VPS35: variants seen among roughly 807,000 people sequenced by gnomAD.
VPS35 encodes the protein vacuolar protein sorting-associated protein 35.
In VPS35, 21 loss-of-function variants were observed where a neutral mutation model predicts 98.1. The observed-to-expected ratio is 0.21, with a 90% CI of 0.15 to 0.31. The LOEUF (loss-of-function observed/expected upper bound fraction) is 0.31, where lower values mean the gene tolerates loss of function less well. VPS35 is among the 10% of genes least tolerant of loss of function. The probability of loss-of-function intolerance (pLI) is 1.00; values close to 1 mark genes in which losing one functional copy is unlikely to be tolerated. For missense variants in VPS35, 554 were observed against 950.8 expected (o/e 0.58, Z 5.49); for synonymous variants, 268 against 318.2 (o/e 0.84, Z 1.68).
chr16:46,687,977 T>C (rs1966348481), intron 1 of VPS35, among the ~76,000 whole-genome samples: 1 of 152,182 alleles, frequency 6.6e-6, no homozygotes. Flanking sequence ...TACAAAACAA[T>C]ATAAATGTCA....
intron 1 of VPS35, among the ~76,000 whole-genome samples, chr16:46,686,898 TA>T (rs1370892882): frequency 2.6e-5 from 4 of 152,214 alleles, no homozygotes. Context: ...TCTACAGTTC[TA>T]ATGTGCAGAG....
rs1294380439 is a variant in VPS35, at chr16:46,659,144, TAGGCCTCTGCCCTCAAGGAGAGGAACTG to T, written c.*1300_*1327del. On this transcript the variant is annotated 3_prime_UTR_variant, in exon 17 of 17. Coordinates refer to ENST00000299138, the MANE Select transcript of VPS35 (RefSeq NM_018206.6). ...GCCTCTGCCCTCAAGGAAAGGAACT[TAGGCCTCTGCCCTCAAGGAGAGGAACTG>T]GGGCCTCTGCCCTCAAGAAGAGGAA... 2 of 151,888 alleles carry T rather than the reference TAGGCCTCTGCCCTCAAGGAGAGGAACTG, an allele frequency of 1.3e-5. No individual in the cohort carries two copies. Among genetic ancestry groups the T allele is most frequent in the Admixed American group, 6.6e-5 (1 of 15,212 alleles). 9.4% of individuals were successfully genotyped at this position (151,888 alleles called of 1,614,324 possible). A position where few individuals can be genotyped will look rare whatever the true frequency, so the allele number is the denominator to read the frequency against.
chr16:46,665,465 C>T (rs539006767), intron 13 of VPS35, among the ~76,000 whole-genome samples: 4 of 151,928 alleles, frequency 2.6e-5, no homozygotes, highest in Admixed American at 1.3e-4. Flanking sequence ...TGTGGTGGCA[C>T]ATGCTTGCAG....
intron 1 of VPS35, chr16:46,688,385 G>C: frequency 1.0e-6 from 1 of 987,046 alleles, no homozygotes; most frequent in Non-Finnish European, 1.2e-6. Context: ...GCCACACCAC[G>C]ATTTGCTGCC....
chr16:46,675,554 C>T (rs1966135512), intron 8 of VPS35, among the ~76,000 whole-genome samples: 1 of 151,972 alleles, frequency 6.6e-6, no homozygotes, highest in Non-Finnish European at 1.5e-5. Context: ...AAGAGTGGGC[C>T]CAATAAGTAT....
intron 5 of VPS35, among the ~76,000 whole-genome samples, 184 bp from the exon 6 acceptor site, chr16:46,679,340 G>T (rs1391780678): frequency 6.6e-6 from 1 of 152,294 alleles, no homozygotes; most frequent in Middle Eastern, 3.4e-3. Flanking sequence ...AAGTACCATG[G>T]AGAGGACAGT....
intron 1 of VPS35, among the ~76,000 whole-genome samples, chr16:46,685,324 G>A (rs919008226): frequency 6.6e-6 from 1 of 152,128 alleles, no homozygotes; most frequent in Non-Finnish European, 1.5e-5. Flanking sequence ...ATTTCATTTT[G>A]AGATTAACAA....
chr16:46,672,800 G>T (rs188031009), intron 10 of VPS35, among the ~76,000 whole-genome samples: 6 of 152,306 alleles, frequency 3.9e-5, no homozygotes, highest in African/African-American at 9.6e-5. Flanking sequence ...GTGGTAGTTT[G>T]GTTCCCAGGG....
In VPS35 at chr16:46,658,180, G is replaced by A. The variant is rs1411800658; in HGVS notation, c.*2292C>T. The A allele has an allele frequency of 6.5e-6, 1 of 153,144 alleles. No individual in the cohort carries two copies. The highest frequency in any genetic ancestry group is 1.5e-5 in the Non-Finnish European group (1 of 68,044). 9.5% of individuals were successfully genotyped at this position (153,144 alleles called of 1,614,324 possible). A position where few individuals can be genotyped will look rare whatever the true frequency, so the allele number is the denominator to read the frequency against. ...GCAGGCCAAAGCACTGGCCTCAGAAGGCTAAATAAACTATTGGACTTGATG... is the reference window on the plus strand; with the variant it reads ...GCAGGCCAAAGCACTGGCCTCAGAAAGCTAAATAAACTATTGGACTTGATG... On this transcript the variant is annotated 3_prime_UTR_variant, in exon 17 of 17. Transcript: ENST00000299138.
chr16:46,660,189 G>GTTTT lies in VPS35; in HGVS notation c.*282_*283insAAAA, dbSNP rs369756092. Reference sequence around the variant, plus strand: ...GCCAAGATAAGTGCTTGTGGGTTTTGTGTTTTTTTTTTTTTTTTTTTTTAC... The same window carrying GTTTT: ...GCCAAGATAAGTGCTTGTGGGTTTTGTTTTTGTTTTTTTTTTTTTTTTTTTTTAC... On this transcript the variant is annotated 3_prime_UTR_variant, in exon 17 of 17. Transcript: ENST00000299138. The GTTTT allele has an allele frequency of 0.081, 7,958 of 98,270 alleles. 985 individuals carry two copies. Among genetic ancestry groups the GTTTT allele is most frequent in the East Asian group, 0.28 (728 of 2,646 alleles). 6.1% of individuals were successfully genotyped at this position (98,270 alleles called of 1,614,324 possible). A position where few individuals can be genotyped will look rare whatever the true frequency, so the allele number is the denominator to read the frequency against.
chr16:46,683,751 G>A (rs1344703612), intron 1 of VPS35, 145 bp from the exon 2 acceptor site: 2 of 805,166 alleles, frequency 2.5e-6, no homozygotes, highest in African/African-American at 1.7e-5. Flanking sequence ...TTGAGACGGA[G>A]TCTAGCTCTG....
At chr16:46,676,396 C>T in intron 8 of VPS35, 187 bp downstream of exon 8, 1 of 574,852 alleles carries the variant, frequency 1.7e-6, no homozygotes, top group South Asian at 2.2e-5. Flanking sequence ...TTAAGTTAAG[C>T]CTCTTTCATG....
rs956063150 is a variant in VPS35 at position 46,662,972 on chromosome 16, C to T, written c.1827+11G>A. On this transcript the variant is annotated intron_variant, in intron 14 of 16. Coordinates refer to ENST00000299138, the MANE Select transcript of VPS35 (RefSeq NM_018206.6). ...AGCTGACATGACAACGCAGAAAGAA[C>T]AGATCATCACCTGGGACATGAATTC... The T allele has an allele frequency of 1.2e-6, 2 of 1,614,092 alleles. No individual in the cohort carries two copies. The highest frequency in any genetic ancestry group is 2.2e-5 in the South Asian group (2 of 91,086).
chr16:46,660,760 A>AG, intron 16 of VPS35, 109 bp from the exon 17 acceptor site: 1 of 676,298 alleles, frequency 1.5e-6, no homozygotes, highest in Non-Finnish European at 2.4e-6. Context: ...CAATTACCTG[A>AG]GTAATTATGA....
At position 46,677,612 on chromosome 16, in the gene VPS35, T is replaced by C. The variant is rs938071734; in HGVS notation, c.721-214A>G. 24 of 530,504 alleles carry C rather than the reference T, an allele frequency of 4.5e-5. No individual in the cohort carries two copies. In the Admixed American group the frequency reaches 5.2e-4, roughly 12 times the overall value. The allele number at this position is 530,504 out of a possible 1,614,324, so 32.9% of individuals were successfully genotyped here. On this transcript the variant is annotated intron_variant, in intron 6 of 16. Coordinates refer to ENST00000299138, the MANE Select transcript of VPS35 (RefSeq NM_018206.6). ...GTGAAGTGGCACAATCTCCACTCAA[T>C]GCAACATCCACCTCCTAGGCTCAAG...
chr16:46,667,845 T>C (rs1966011661), intron 13 of VPS35, among the ~76,000 whole-genome samples: 2 of 152,240 alleles, frequency 1.3e-5, no homozygotes, highest in Admixed American at 1.3e-4. Flanking sequence ...TGTGGGTTTA[T>C]TTCTAGACTC....
At chr16:46,684,876 A>C (rs1966288707) in intron 1 of VPS35, among the ~76,000 whole-genome samples, 1 of 152,256 alleles carries the variant, frequency 6.6e-6, no homozygotes. Context: ...AAAGGAATGA[A>C]GTATTGCTAC....
chr16:46,681,032 T>TACACACACACACAC (rs3040555), intron 4 of VPS35, among the ~76,000 whole-genome samples, 179 bp from the exon 5 acceptor site: 8 of 142,008 alleles, frequency 5.6e-5, no homozygotes, highest in African/African-American at 1.5e-4. Context: ...AAAAAAACTA[T>TACACACACACACAC]ACACACACAC....
intron 13 of VPS35, 142 bp downstream of exon 13, chr16:46,668,788 G>C (rs1966025487): frequency 1.3e-5 from 15 of 1,151,570 alleles, no homozygotes; most frequent in Non-Finnish European, 1.9e-5. Flanking sequence ...GTAACAAATA[G>C]AGAGTTGGCG....
Sources: allele counts gnomAD v4.1 joint callset (sites outside exome capture counted in the v4.1 genomes callset), GRCh38; gene constraint gnomAD v4.1.1; transcripts MANE v1.5; gene names NCBI Gene and HGNC (gene_info 2026-07-23, HGNC 2026-07-21).